The following TTL variants were observed in gnomAD, a reference collection of about 807,000 sequenced individuals.
TTL encodes tubulin--tyrosine ligase.
TTL carries 10 observed loss-of-function variants against 41.1 expected under a neutral mutation model. The ratio of observed to expected loss-of-function variants is 0.24; its 90% CI spans 0.15 to 0.41. TTL has a LOEUF of 0.41. Among genes scored for constraint, TTL ranks in the 10% least tolerant of loss-of-function variants. The pLI is 1.00. For missense variants in TTL, 367 were observed against 460.4 expected (o/e 0.80, Z 1.86); for synonymous variants, 175 against 175.5 (o/e 1.00, Z 0.02).
At chr2:112,527,655 A>G (rs1414760165) in intron 6 of TTL, among the ~76,000 whole-genome samples, 1 of 151,284 alleles carries the variant, frequency 6.6e-6, no homozygotes, top group African/African-American at 2.4e-5. Context: ...TTTGTTTTCC[A>G]TTTGCTTGGT....
chr2:112,491,595 C>A (rs1235574670), intron 2 of TTL, among the ~76,000 whole-genome samples: 2 of 151,962 alleles, frequency 1.3e-5, no homozygotes, highest in African/African-American at 4.8e-5. Context: ...AAATGGTTTT[C>A]TTTTTGTGTA....
At chr2:112,514,022 T>C (rs1424189825) in intron 5 of TTL, among the ~76,000 whole-genome samples, 1 of 152,198 alleles carries the variant, frequency 6.6e-6, no homozygotes, top group Non-Finnish European at 1.5e-5. Flanking sequence ...TTTGACCATT[T>C]ATGTTGTTTC....
chr2:112,524,249 A>G (rs964643927), intron 6 of TTL, among the ~76,000 whole-genome samples: 2 of 152,222 alleles, frequency 1.3e-5, no homozygotes, highest in Non-Finnish European at 2.9e-5. Context: ...GTGCTACAAT[A>G]AACATACATG....
rs1682592994 is a variant in TTL at position 112,536,123 on chromosome 2, G to A, written c.*7328G>A. ...CTGAACAGTACTCCATTGTGTATAA[G>A]CAATATATTTTCTTTATCCATTCAT... is the stretch of plus-strand genomic sequence containing the variant. On this transcript the variant is annotated 3_prime_UTR_variant, in exon 7 of 7. Coordinates refer to ENST00000233336, the MANE Select transcript of TTL (RefSeq NM_153712.5). 6.6e-6 allele frequency: 1 copy of A among 152,334 alleles called. No homozygotes were observed. Among genetic ancestry groups the A allele is most frequent in the South Asian group, 2.1e-4 (1 of 4,826 alleles). 9.4% of individuals were successfully genotyped at this position (152,334 alleles called of 1,614,324 possible).
At chr2:112,520,215 A>C in intron 5 of TTL, 67 bp from the exon 6 acceptor site, 5 of 1,570,000 alleles carry the variant, frequency 3.2e-6, no homozygotes, top group Non-Finnish European at 4.4e-6. Flanking sequence ...TCTTTCAAGC[A>C]CACCTCATGT....
chr2:112,539,050 G>A lies in TTL; in HGVS notation c.*10255G>A, dbSNP rs552543588. The stretch of plus-strand genomic sequence containing the variant: ...GGGAATCACTTGAACCTGGAAGGCG[G>A]AGGTTGCAGTGAGCCGAGATTGCGC... On this transcript the variant is annotated 3_prime_UTR_variant, in exon 7 of 7. Coordinates refer to ENST00000233336, the MANE Select transcript of TTL (RefSeq NM_153712.5). 1 of 151,274 alleles carries A rather than the reference G, an allele frequency of 6.6e-6. No homozygotes were observed. The highest frequency in any genetic ancestry group is 2.1e-4 in the South Asian group (1 of 4,772). The allele number at this position is 151,274 out of a possible 1,614,324, so 9.4% of individuals were successfully genotyped here.
chr2:112,519,216 T>C (rs550148048), intron 5 of TTL, among the ~76,000 whole-genome samples: 1 of 152,312 alleles, frequency 6.6e-6, no homozygotes, highest in African/African-American at 2.4e-5. Flanking sequence ...CATAAGGAAA[T>C]ATGATGAAAA....
intron 5 of TTL, among the ~76,000 whole-genome samples, chr2:112,516,879 A>G (rs992160329): frequency 2.6e-5 from 4 of 152,168 alleles, no homozygotes; most frequent in Non-Finnish European, 1.5e-5. Context: ...AGGTGGTTGG[A>G]ATTCTGACAC....
intron 5 of TTL, among the ~76,000 whole-genome samples, chr2:112,518,894 C>T (rs1472535335): frequency 3.9e-5 from 6 of 152,064 alleles, no homozygotes; most frequent in African/African-American, 7.2e-5. Flanking sequence ...AGGCTGCTCT[C>T]GAACTCCTGA....
intron 5 of TTL, among the ~76,000 whole-genome samples, chr2:112,517,933 G>T (rs1374460170): frequency 6.7e-6 from 1 of 150,210 alleles, no homozygotes; most frequent in Non-Finnish European, 1.5e-5. Flanking sequence ...CTGGGCGACA[G>T]AGTGAGACCC....
rs1301594178 is a variant in TTL, at chr2:112,529,818, G to A, written c.*1023G>A. 9.0e-6 allele frequency: 2 copies of A among 221,428 alleles called. No homozygotes were observed. The highest frequency in any genetic ancestry group is 1.8e-5 in the Non-Finnish European group (2 of 110,734). The allele number at this position is 221,428 out of a possible 1,614,324, so 13.7% of individuals were successfully genotyped here. On this transcript the variant is annotated 3_prime_UTR_variant, in exon 7 of 7. Coordinates refer to ENST00000233336, the MANE Select transcript of TTL (RefSeq NM_153712.5). ...AGGAAGGATTCGAGTTCCTGTGCCT[G>A]TGGGTATTAGGAGAGTATATATCCT...
At chr2:112,486,785 G>A (rs755443061) in intron 2 of TTL, among the ~76,000 whole-genome samples, 1 of 152,186 alleles carries the variant, frequency 6.6e-6, no homozygotes, top group African/African-American at 2.4e-5. Flanking sequence ...AATTAAATAA[G>A]GTGATGCATG....
In TTL at chr2:112,513,723, A is replaced by G. The variant is rs140690825; in HGVS notation, c.876-6559A>G. On this transcript the variant is annotated intron_variant, in intron 5 of 6. Transcript: ENST00000233336. ...CAAGCTATATAGAAGATGCATACAA[A>G]TTTATTTCACTTACATAAGTTAAAC... Among the ~76,000 whole-genome samples, 3 of 152,006 alleles carry G rather than the reference A, an allele frequency of 2.0e-5. No homozygotes were observed. The East Asian group carries it at 5.8e-4, about 29-fold the overall frequency.
At chr2:112,518,688 TTTTTGAG>T (rs1472776081) in intron 5 of TTL, among the ~76,000 whole-genome samples, 3 of 151,128 alleles carry the variant, frequency 2.0e-5, no homozygotes, top group Non-Finnish European at 4.4e-5. Flanking sequence ...CTTTTTTTTT[TTTTTGAG>T]ACAGAATTTT....
intron 1 of TTL, chr2:112,483,059 GAGACCCT>G (rs1047799408): frequency 4.6e-5 from 7 of 152,606 alleles, no homozygotes; most frequent in African/African-American, 1.7e-4. Context: ...AGCTGCAGAA[GAGACCCT>G]AGCCCAGGGA....
chr2:112,513,778 T>A (rs1559017368), intron 5 of TTL, among the ~76,000 whole-genome samples: 1 of 152,038 alleles, frequency 6.6e-6, no homozygotes, highest in Non-Finnish European at 1.5e-5. Flanking sequence ...TTTATTTAGC[T>A]GAATACACAT....
intron 2 of TTL, among the ~76,000 whole-genome samples, chr2:112,492,173 A>G (rs960478392): frequency 4.6e-5 from 7 of 152,262 alleles, no homozygotes; most frequent in African/African-American, 1.4e-4. Flanking sequence ...GAAATGACAC[A>G]TGGCCCTGAC....
At chr2:112,495,022 G>A (rs543427050) in intron 3 of TTL, among the ~76,000 whole-genome samples, 36 of 152,206 alleles carry the variant, frequency 2.4e-4, no homozygotes, top group African/African-American at 8.4e-4. Flanking sequence ...AATGAACTCC[G>A]GATTCCTAAT....
intron 6 of TTL, among the ~76,000 whole-genome samples, chr2:112,524,894 G>C (rs1207974069): frequency 1.3e-5 from 2 of 152,142 alleles, no homozygotes; most frequent in East Asian, 3.8e-4. Flanking sequence ...GTATTGCCTA[G>C]GTTTTCTTCT....
Sources: allele counts gnomAD v4.1 joint callset (sites outside exome capture counted in the v4.1 genomes callset), GRCh38; gene constraint gnomAD v4.1.1; transcripts MANE v1.5; gene names NCBI Gene and HGNC (gene_info 2026-07-23, HGNC 2026-07-21).